TTC7A: variants seen among roughly 807,000 people sequenced by gnomAD.
The protein encoded by TTC7A is tetratricopeptide repeat domain 7A.
TTC7A carries 110 observed loss-of-function variants against 103.7 expected under a neutral mutation model. The observed-to-expected ratio is 1.06, with a 90% CI of 0.91 to 1.24. TTC7A has a LOEUF of 1.24. TTC7A is among the 50% of genes most tolerant of loss of function. The pLI, the probability that TTC7A is intolerant of heterozygous loss-of-function variation, is 0.00. For missense variants in TTC7A, 1,340 were observed against 1,116.3 expected (o/e 1.20, Z -2.86); for synonymous variants, 521 against 467.9 (o/e 1.11, Z -1.47).
At chr2:46,991,594 A>T (rs1327744425) in intron 5 of TTC7A, among the ~76,000 whole-genome samples, 2 of 152,212 alleles carry the variant, frequency 1.3e-5, no homozygotes, top group South Asian at 2.1e-4. Context: ...AGGGAAGGTG[A>T]GTTATTTACT....
chr2:46,940,392 CG>C (rs1041141655), upstream of TTC7A, among the ~76,000 whole-genome samples: 8 of 152,262 alleles, frequency 5.3e-5, no homozygotes, highest in African/African-American at 1.9e-4. This position sits in a 1 kb window ranked among gnomAD's most constrained non-coding sequence, Gnocchi z 4.7. Flanking sequence ...TGAGCTGCGG[CG>C]GCAGCGGGGC....
At chr2:47,038,639 CCT>C (rs1558613081) in intron 15 of TTC7A, among the ~76,000 whole-genome samples, 3 of 23,670 alleles carry the variant, frequency 1.3e-4, no homozygotes, top group African/African-American at 2.8e-4. Flanking sequence ...TCCCACCCAC[CCT>C]CCCCCCACCC....
chr2:46,953,801 CTTTT>C (rs1671607149), intron 2 of TTC7A, among the ~76,000 whole-genome samples: 1 of 151,166 alleles, frequency 6.6e-6, no homozygotes, highest in South Asian at 2.1e-4. Flanking sequence ...AGCCCCATTT[CTTTT>C]TCTTTCTTTC....
At chr2:47,053,546 G>GTTTGGTTT (rs59251792) in intron 18 of TTC7A, among the ~76,000 whole-genome samples, 14 of 118,968 alleles carry the variant, frequency 1.2e-4, no homozygotes, top group African/African-American at 5.4e-4. Context: ...TTGTTTGTTT[G>GTTTGGTTT]GTTGGTTGGT....
At chr2:47,072,959 A>C (rs1281565269) in intron 19 of TTC7A, among the ~76,000 whole-genome samples, 1 of 152,054 alleles carries the variant, frequency 6.6e-6, no homozygotes, top group Non-Finnish European at 1.5e-5. Flanking sequence ...CTCTTTGGTA[A>C]CAGGGTTGTT....
intron 11 of TTC7A, among the ~76,000 whole-genome samples, chr2:47,014,160 T>A (rs1196309301): frequency 6.6e-6 from 1 of 152,212 alleles, no homozygotes; most frequent in East Asian, 1.9e-4. Flanking sequence ...CTGTCTTATG[T>A]GGTGCATGAC....
At chr2:46,963,329 A>G (rs1191399968) in intron 3 of TTC7A, among the ~76,000 whole-genome samples, 2 of 152,228 alleles carry the variant, frequency 1.3e-5, no homozygotes, top group Non-Finnish European at 2.9e-5. Context: ...TGTAAGGCTT[A>G]TTTTTATAGG....
intron 15 of TTC7A, among the ~76,000 whole-genome samples, chr2:47,035,959 G>A (rs1182947944): frequency 6.6e-6 from 1 of 152,210 alleles, no homozygotes; most frequent in African/African-American, 2.4e-5. Flanking sequence ...GCCCTGGCTG[G>A]GAACCTGCCT....
chr2:47,030,466 G>A (rs1390986325), intron 15 of TTC7A, among the ~76,000 whole-genome samples: 1 of 152,180 alleles, frequency 6.6e-6, no homozygotes, highest in Non-Finnish European at 1.5e-5. Context: ...AGTTCTGCTT[G>A]TGGCCTTTGC....
chr2:47,035,349 C>T (rs1680988709), intron 15 of TTC7A: 1 of 152,232 alleles, frequency 6.6e-6, no homozygotes, highest in Non-Finnish European at 1.5e-5. Context: ...CTGAGGAAGA[C>T]ACCAGCCATG....
intron 14 of TTC7A, among the ~76,000 whole-genome samples, chr2:47,028,854 C>G (rs1287169580): frequency 1.3e-5 from 2 of 152,168 alleles, no homozygotes; most frequent in African/African-American, 2.4e-5. Context: ...CTGGAGCACC[C>G]CATTTTCATC....
At chr2:47,072,794 C>T (rs1051994911) in intron 19 of TTC7A, among the ~76,000 whole-genome samples, 2 of 102,878 alleles carry the variant, frequency 1.9e-5, no homozygotes, top group Admixed American at 1.0e-4. Context: ...CTTTGTGGGA[C>T]CTGAGGCTGA....
intron 11 of TTC7A, among the ~76,000 whole-genome samples, chr2:47,016,218 A>G (rs1344015726): frequency 6.6e-6 from 1 of 152,324 alleles, no homozygotes; most frequent in South Asian, 2.1e-4. Flanking sequence ...TACTTATGTA[A>G]CACAAAAACA....
chr2:46,917,288 G>A, intron 2 of TTC7A: 2 of 661,036 alleles, frequency 3.0e-6, no homozygotes, highest in East Asian at 2.7e-5. Context: ...GTGAGCCACC[G>A]CGCCGGGACA....
intron 8 of TTC7A, among the ~76,000 whole-genome samples, chr2:46,998,188 G>C (rs1676412478): frequency 6.6e-6 from 1 of 152,146 alleles, no homozygotes; most frequent in Admixed American, 6.5e-5. Flanking sequence ...GGGTTGGCTG[G>C]TTTGTTTCCC....
At chr2:47,027,835 T>C (rs886837795) in intron 14 of TTC7A, among the ~76,000 whole-genome samples, 2 of 151,894 alleles carry the variant, frequency 1.3e-5, no homozygotes, top group African/African-American at 4.9e-5. Context: ...CACATGGGAC[T>C]GCGTAAGGGG....
At chr2:47,048,055 A>C (rs1371252714) in intron 16 of TTC7A, among the ~76,000 whole-genome samples, 1 of 150,564 alleles carries the variant, frequency 6.6e-6, no homozygotes. Flanking sequence ...CTTCCACTGA[A>C]CTCCCTGACC....
upstream of TTC7A, among the ~76,000 whole-genome samples, chr2:46,940,973 G>T (rs539614341): frequency 9.2e-5 from 14 of 152,244 alleles, no homozygotes; most frequent in African/African-American, 3.4e-4. The surrounding 1 kb of genome is among the most constrained non-coding windows in gnomAD (Gnocchi z 4.7). Flanking sequence ...TGGGGAGGGG[G>T]CGGGAAGCGA....
At position 46,995,157 on chromosome 2, in the gene TTC7A, C is replaced by T; in HGVS notation, c.1023C>T (p.Asn341=). Residue 341 remains asparagine (N), a synonymous_variant, in exon 8 of 20, where the codon AAC becomes AAT. Coordinates refer to ENST00000319190, the MANE Select transcript of TTC7A (RefSeq NM_020458.4). The stretch of plus-strand genomic sequence containing the variant: ...TCAGCCTCTACTGCCCCAAGGACAA[C>T]ATCGAGGAAGCCCTCCTGCTCCTCC... ...EGDNLYCPKD[N]IEEALLLLLI... is the part of the protein sequence containing the mutation. The T allele has an allele frequency of 6.2e-7, 1 of 1,614,198 alleles. No homozygotes were observed. Among genetic ancestry groups the T allele is most frequent in the South Asian group, 1.1e-5 (1 of 91,080 alleles).
Sources: allele counts gnomAD v4.1 joint callset (sites outside exome capture counted in the v4.1 genomes callset), GRCh38; gene constraint gnomAD v4.1.1; non-coding constraint Gnocchi (gnomAD v3.1); transcripts MANE v1.5; gene names NCBI Gene and HGNC (gene_info 2026-07-23, HGNC 2026-07-21).